The following FGF1 variants were observed in gnomAD, a reference collection of about 807,000 sequenced individuals.
The protein encoded by FGF1 is fibroblast growth factor 1.
FGF1 carries 9 observed loss-of-function variants against 13.4 expected under a neutral mutation model. That is an observed-to-expected ratio of 0.67 (90% CI 0.40 to 1.17). The LOEUF (loss-of-function observed/expected upper bound fraction) is 1.17. FGF1 is among the 50% of genes most tolerant of loss of function. FGF1 has a pLI of 0.01. For synonymous variants in FGF1, 93 were observed against 79.0 expected (o/e 1.18, Z -0.94); for missense variants, 156 against 192.7 (o/e 0.81, Z 1.13).
At chr5:142,662,953 A>G (rs1769547829) in intron 1 of FGF1, among the ~76,000 whole-genome samples, 6 of 152,108 alleles carry the variant, frequency 3.9e-5, no homozygotes. Flanking sequence ...CCTCCCAAGC[A>G]GCTGGAAGCA....
At position 142,663,620 on chromosome 5, in the gene FGF1, C is replaced by T. The variant is rs540525526; in HGVS notation, c.-35+22337G>A. Among the ~76,000 whole-genome samples, 8 of 152,310 alleles carry T rather than the reference C, an allele frequency of 5.3e-5. No individual in the cohort carries two copies. The South Asian group carries it at 8.3e-4, about 16-fold the overall frequency. ...AGAAACCAAGAGAAGCCAGCTTATA[C>T]GTACACAGCCCACAGCGGAGGAGGG... On this transcript the variant is annotated intron_variant, in intron 1 of 3. Coordinates refer to ENST00000337706, the MANE Select transcript of FGF1 (RefSeq NM_000800.5).
At chr5:142,695,524 G>A (rs925756592) in intron 2 of FGF1, among the ~76,000 whole-genome samples, 15 of 149,534 alleles carry the variant, frequency 1.0e-4, no homozygotes, top group African/African-American at 3.5e-4. Context: ...GGAGGTTGCA[G>A]TGAGCCAAGA....
At chr5:142,630,192 T>A (rs1763145249) in intron 1 of FGF1, among the ~76,000 whole-genome samples, 1 of 152,076 alleles carries the variant, frequency 6.6e-6, no homozygotes, top group South Asian at 2.1e-4. Context: ...ATGCCTGGCT[T>A]AAAATATGAT....
chr5:142,656,326 T>C (rs1214237607), intron 1 of FGF1, among the ~76,000 whole-genome samples: 23 of 150,302 alleles, frequency 1.5e-4, no homozygotes, highest in Admixed American at 1.5e-3. Flanking sequence ...ATAAATATAG[T>C]AACCCACAAT....
chr5:142,655,386 T>C (rs1767982786), intron 1 of FGF1, among the ~76,000 whole-genome samples: 1 of 152,152 alleles, frequency 6.6e-6, no homozygotes, highest in South Asian at 2.1e-4. Context: ...AGCAAATAGT[T>C]GTTAAATGAA....
chr5:142,631,499 G>T (rs79179599), intron 1 of FGF1, among the ~76,000 whole-genome samples: 1 of 152,220 alleles, frequency 6.6e-6, no homozygotes, highest in African/African-American at 2.4e-5. Context: ...TTATCTGGAC[G>T]TTCTCAGAAT....
intron 1 of FGF1, among the ~76,000 whole-genome samples, chr5:142,670,022 A>T (rs983450386): frequency 1.3e-5 from 2 of 152,144 alleles, no homozygotes; most frequent in African/African-American, 4.8e-5. Flanking sequence ...GGTTAACCAG[A>T]GTGGAAAGTG....
At chr5:142,648,595 G>A (rs1423716697) in intron 1 of FGF1, among the ~76,000 whole-genome samples, 5 of 146,724 alleles carry the variant, frequency 3.4e-5, no homozygotes, top group African/African-American at 5.1e-5. Flanking sequence ...ACCATGGCAT[G>A]TGTATACCTA....
At chr5:142,608,895 C>A (rs1234356000) in intron 2 of FGF1, among the ~76,000 whole-genome samples, 1 of 151,812 alleles carries the variant, frequency 6.6e-6, no homozygotes, top group African/African-American at 2.4e-5. Context: ...TCCTTCCCAT[C>A]ACATATGACC....
At chr5:142,621,584 C>T (rs1761632529) in intron 1 of FGF1, among the ~76,000 whole-genome samples, 1 of 152,116 alleles carries the variant, frequency 6.6e-6, no homozygotes, top group Non-Finnish European at 1.5e-5. Context: ...CTGTGCTCTC[C>T]CAACAGCAGA....
intron 2 of FGF1, among the ~76,000 whole-genome samples, chr5:142,610,888 T>G (rs1055868869): frequency 6.6e-6 from 1 of 152,044 alleles, no homozygotes; most frequent in Non-Finnish European, 1.5e-5. Context: ...CTCCTAGAGG[T>G]AGGAAGAAGA....
At chr5:142,664,253 C>T (rs1769856798) in intron 1 of FGF1, among the ~76,000 whole-genome samples, 1 of 152,174 alleles carries the variant, frequency 6.6e-6, no homozygotes, top group Admixed American at 6.5e-5. Context: ...ACAAAGGCGC[C>T]CCCCACCTCC....
At chr5:142,628,489 G>A (rs2151918917) in intron 1 of FGF1, among the ~76,000 whole-genome samples, 1 of 152,358 alleles carries the variant, frequency 6.6e-6, no homozygotes, top group East Asian at 1.9e-4. Context: ...CAGCCTGGGT[G>A]AAAGAGCAAG....
At chr5:142,625,090 G>T (rs1015091793) in intron 1 of FGF1, among the ~76,000 whole-genome samples, 1 of 152,094 alleles carries the variant, frequency 6.6e-6, no homozygotes, top group Non-Finnish European at 1.5e-5. Flanking sequence ...TTCAAATAAG[G>T]GATTATGGGT....
chr5:142,683,695 C>T (rs917968425), intron 1 of FGF1, among the ~76,000 whole-genome samples: 4 of 151,866 alleles, frequency 2.6e-5, no homozygotes, highest in Non-Finnish European at 5.9e-5. Context: ...GTGCCGCACA[C>T]CTGTAATCCC....
chr5:142,617,374 AAG>A (rs2151884986), intron 1 of FGF1, among the ~76,000 whole-genome samples: 1 of 152,230 alleles, frequency 6.6e-6, no homozygotes, highest in East Asian at 1.9e-4. Context: ...CAAAAAAAAA[AAG>A]AATGGCTTTT....
At chr5:142,595,555 G>T in intron 3 of FGF1, 71 bp from the exon 4 acceptor site, 1 of 1,347,782 alleles carries the variant, frequency 7.4e-7, no homozygotes, top group Non-Finnish European at 1.0e-6. Context: ...CCATTTACTA[G>T]CTGTGTGACA....
intron 2 of FGF1, among the ~76,000 whole-genome samples, chr5:142,606,244 G>GTA (rs1554076327): frequency 5.4e-5 from 8 of 147,962 alleles, no homozygotes; most frequent in Non-Finnish European, 1.0e-4. Context: ...GTGTGTGTGT[G>GTA]TATGTAGTTT....
intron 2 of FGF1, among the ~76,000 whole-genome samples, chr5:142,694,809 C>CT (rs1752847861): frequency 6.6e-6 from 1 of 152,174 alleles, no homozygotes; most frequent in Non-Finnish European, 1.5e-5. Context: ...AGAGACACCT[C>CT]TTTTTGTGAA....
Sources: allele counts gnomAD v4.1 joint callset (sites outside exome capture counted in the v4.1 genomes callset), GRCh38; gene constraint gnomAD v4.1.1; transcripts MANE v1.5; gene names NCBI Gene and HGNC (gene_info 2026-07-23, HGNC 2026-07-21).